AGMO: variants seen among roughly 807,000 people sequenced by gnomAD.
AGMO encodes alkylglycerol monooxygenase.
Under a neutral mutation model 60.2 loss-of-function variants are expected in AGMO, and 75 were observed. The ratio of observed to expected loss-of-function variants is 1.25; its 90% CI spans 1.03 to 1.51. The LOEUF (loss-of-function observed/expected upper bound fraction) is 1.51, where lower values mean the gene tolerates loss of function less well. Among genes scored for constraint, AGMO ranks in the 40% most tolerant of loss-of-function variants. The pLI is 0.00. For missense variants in AGMO, 763 were observed against 525.5 expected (o/e 1.45, Z -4.42); for synonymous variants, 261 against 177.1 (o/e 1.47, Z -3.76).
chr7:15,543,936 GT>G (rs1171893782), intron 3 of AGMO, among the ~76,000 whole-genome samples: 2 of 151,672 alleles, frequency 1.3e-5, no homozygotes, highest in Non-Finnish European at 2.9e-5. Flanking sequence ...GTATAAAACT[GT>G]TCCCTTTTCA....
intron 3 of AGMO, among the ~76,000 whole-genome samples, chr7:15,435,874 G>A (rs190733530): frequency 5.9e-5 from 9 of 152,226 alleles, no homozygotes; most frequent in Admixed American, 5.9e-4. Context: ...TTTAAAATAT[G>A]TTCTCTCCTA....
intron 2 of AGMO, among the ~76,000 whole-genome samples, chr7:15,549,621 C>T (rs1011638116): frequency 4.0e-5 from 6 of 149,442 alleles, no homozygotes. Context: ...AGCTAACTAT[C>T]CTAAATATAT....
At chr7:15,435,778 T>G (rs1781382627) in intron 3 of AGMO, among the ~76,000 whole-genome samples, 1 of 152,148 alleles carries the variant, frequency 6.6e-6, no homozygotes, top group Admixed American at 6.6e-5. Context: ...ACAAAGGTAA[T>G]TTTGGAGAAA....
At chr7:15,301,436 C>G (rs1784556066) in intron 12 of AGMO, among the ~76,000 whole-genome samples, 1 of 149,156 alleles carries the variant, frequency 6.7e-6, no homozygotes, top group South Asian at 2.1e-4. Context: ...GAGCTTCAGT[C>G]TCAGGAAAAA....
At chr7:15,194,251 G>A in the AGMO span, among the ~76,000 whole-genome samples, 2 of 152,278 alleles carry the variant, frequency 1.3e-5, no homozygotes, top group East Asian at 3.9e-4. Flanking sequence ...AGATGGCAGT[G>A]AGATGAAACT....
chr7:15,229,330 C>A (rs546449632), intron 12 of AGMO, among the ~76,000 whole-genome samples: 1 of 151,796 alleles, frequency 6.6e-6, no homozygotes, highest in Non-Finnish European at 1.5e-5. Context: ...AGTGTTCATA[C>A]TACTAGGGAT....
At chr7:15,412,708 G>C (rs902645492) in intron 5 of AGMO, among the ~76,000 whole-genome samples, 5 of 72,820 alleles carry the variant, frequency 6.9e-5, no homozygotes, top group Non-Finnish European at 1.4e-4. Flanking sequence ...AAAAAAAAAA[G>C]ACAAGGCTTG....
intron 12 of AGMO, among the ~76,000 whole-genome samples, chr7:15,291,516 G>A (rs774742367): frequency 3.3e-5 from 5 of 152,106 alleles, no homozygotes; most frequent in African/African-American, 1.2e-4. Flanking sequence ...AAATATTAAG[G>A]AGAAAGAAAC....
chr7:15,530,723 A>G (rs943867793), intron 3 of AGMO, among the ~76,000 whole-genome samples: 4 of 142,292 alleles, frequency 2.8e-5, no homozygotes, highest in African/African-American at 5.1e-5. Context: ...ACATTTCTAT[A>G]TAGATATTCT....
At chr7:15,303,431 A>T (rs1163688918) in intron 12 of AGMO, among the ~76,000 whole-genome samples, 1 of 142,856 alleles carries the variant, frequency 7.0e-6, no homozygotes, top group Non-Finnish European at 1.6e-5. Context: ...GAGAATGGAA[A>T]AACAGAAAAA....
At chr7:15,246,109 T>C (rs934135774) in intron 12 of AGMO, among the ~76,000 whole-genome samples, 3 of 152,170 alleles carry the variant, frequency 2.0e-5, no homozygotes, top group African/African-American at 7.2e-5. Flanking sequence ...TTACTAAAGA[T>C]AAAGAAATCA....
intron 3 of AGMO, among the ~76,000 whole-genome samples, chr7:15,438,707 C>T (rs1281841016): frequency 6.6e-6 from 1 of 152,144 alleles, no homozygotes; most frequent in Non-Finnish European, 1.5e-5. Flanking sequence ...TACGCAAAGA[C>T]ACCAGATGGA....
At chr7:15,246,068 A>G (rs1399164132) in intron 12 of AGMO, among the ~76,000 whole-genome samples, 4 of 152,320 alleles carry the variant, frequency 2.6e-5, no homozygotes, top group African/African-American at 9.6e-5. Context: ...AGCTGATTAA[A>G]TGGCTCCTCT....
chr7:15,375,862 T>C (rs1783432762), intron 10 of AGMO, among the ~76,000 whole-genome samples: 1 of 152,280 alleles, frequency 6.6e-6, no homozygotes, highest in African/African-American at 2.4e-5. Flanking sequence ...GTGTTTGTTA[T>C]GTAACTTTTT....
At chr7:15,389,251 T>A (rs1784043492) in intron 8 of AGMO, among the ~76,000 whole-genome samples, 1 of 152,092 alleles carries the variant, frequency 6.6e-6, no homozygotes, top group African/African-American at 2.4e-5. Flanking sequence ...GATTCTCTGA[T>A]TCACATGAAC....
chr7:15,538,718 G>A (rs559961331), intron 3 of AGMO, among the ~76,000 whole-genome samples: 1 of 152,210 alleles, frequency 6.6e-6, no homozygotes, highest in South Asian at 2.1e-4. Flanking sequence ...TCAGCAATAC[G>A]TCTGTTTATT....
At chr7:15,358,510 A>T (rs1782631258) in intron 12 of AGMO, 2 of 458,832 alleles carry the variant, frequency 4.4e-6, no homozygotes, top group Non-Finnish European at 9.0e-6. Context: ...ACTGTGAATT[A>T]GGAGGGTAAG....
chr7:15,487,926 T>C (rs1300344242), intron 3 of AGMO, among the ~76,000 whole-genome samples: 1 of 152,100 alleles, frequency 6.6e-6, no homozygotes, highest in Non-Finnish European at 1.5e-5. Context: ...CTGAGAAAAA[T>C]AATCTAACAC....
At chr7:15,242,771 A>G (rs1201405359) in intron 12 of AGMO, among the ~76,000 whole-genome samples, 3 of 152,178 alleles carry the variant, frequency 2.0e-5, no homozygotes, top group African/African-American at 7.2e-5. Context: ...ATCTTAATAT[A>G]CAAAATATAA....
Sources: allele counts gnomAD v4.1 joint callset (sites outside exome capture counted in the v4.1 genomes callset), GRCh38; gene constraint gnomAD v4.1.1; transcripts MANE v1.5; gene names NCBI Gene and HGNC (gene_info 2026-07-23, HGNC 2026-07-21).